Variants in VAV3 observed in about 807,000 individuals in gnomAD.
VAV3 encodes the protein vav guanine nucleotide exchange factor 3.
In VAV3, 94 loss-of-function variants were observed where a neutral mutation model predicts 131.2. The observed-to-expected ratio is 0.72, with a 90% CI of 0.61 to 0.85. The LOEUF (loss-of-function observed/expected upper bound fraction) is 0.85, where lower values mean the gene tolerates loss of function less well. Among genes scored for constraint, VAV3 ranks in the 40% least tolerant of loss-of-function variants. VAV3 has a pLI of 0.00. For missense variants in VAV3, 939 were observed against 1,002.7 expected (o/e 0.94, Z 0.86); for synonymous variants, 349 against 342.0 (o/e 1.02, Z -0.22).
At chr1:107,925,483 C>T (rs761643273) in intron 1 of VAV3, among the ~76,000 whole-genome samples, 3 of 152,162 alleles carry the variant, frequency 2.0e-5, no homozygotes, top group Non-Finnish European at 4.4e-5. Context: ...ATACAATGGA[C>T]TATTATTCAA....
chr1:107,753,541 T>TAA (rs1449924182), intron 12 of VAV3, among the ~76,000 whole-genome samples: 1 of 89,700 alleles, frequency 1.1e-5, no homozygotes, highest in Non-Finnish European at 2.4e-5. Flanking sequence ...TATATATATA[T>TAA]ATATATATAC....
At chr1:107,586,477 G>A (rs1650506391) in intron 25 of VAV3, among the ~76,000 whole-genome samples, 1 of 152,126 alleles carries the variant, frequency 6.6e-6, no homozygotes, top group South Asian at 2.1e-4. Flanking sequence ...CCTTTGAGGA[G>A]GAAGGAGAAA....
chr1:107,703,081 T>C (rs1660232989), intron 17 of VAV3, among the ~76,000 whole-genome samples: 1 of 152,148 alleles, frequency 6.6e-6, no homozygotes, highest in African/African-American at 2.4e-5. Flanking sequence ...TATGGGATCA[T>C]TTTACATTCT....
chr1:107,927,543 G>A (rs1296366733), intron 1 of VAV3, among the ~76,000 whole-genome samples: 2 of 151,964 alleles, frequency 1.3e-5, no homozygotes, highest in Non-Finnish European at 2.9e-5. Flanking sequence ...CAGCAACAGA[G>A]AGCCCACTGC....
chr1:107,953,965 A>C (rs1354768103), intron 1 of VAV3, among the ~76,000 whole-genome samples: 1 of 152,228 alleles, frequency 6.6e-6, no homozygotes, highest in African/African-American at 2.4e-5. Flanking sequence ...AGATTTTGAA[A>C]GCACATTCAG....
chr1:107,866,657 C>T (rs909715200), intron 2 of VAV3, among the ~76,000 whole-genome samples: 2 of 151,376 alleles, frequency 1.3e-5, no homozygotes, highest in African/African-American at 2.4e-5. Flanking sequence ...CCCATCTCTA[C>T]TAAAAAATAC....
chr1:107,826,801 GA>G (rs918271916), intron 2 of VAV3, among the ~76,000 whole-genome samples: 1 of 152,088 alleles, frequency 6.6e-6, no homozygotes, highest in African/African-American at 2.4e-5. Flanking sequence ...TATAGAATCT[GA>G]AACCAGTATT....
intron 17 of VAV3, among the ~76,000 whole-genome samples, chr1:107,690,545 CA>C (rs1423717854): frequency 6.6e-6 from 1 of 152,162 alleles, no homozygotes; most frequent in Non-Finnish European, 1.5e-5. Context: ...ACACTGGGAA[CA>C]AACTAGACTT....
chr1:107,650,862 C>T (rs1326171441), intron 19 of VAV3, among the ~76,000 whole-genome samples: 4 of 151,880 alleles, frequency 2.6e-5, no homozygotes, highest in Non-Finnish European at 5.9e-5. Flanking sequence ...TTTCCAATCA[C>T]AATAGCAAAG....
rs371455532 is a variant in VAV3 at position 107,925,874 on chromosome 1, T to G, written c.204+38792A>C. ...ATATATGTATATATAAACAGATATG[T>G]CACATATAAATATATAACATATATG... On this transcript the variant is annotated intron_variant, in intron 1 of 26. Transcript: ENST00000370056. Among the ~76,000 whole-genome samples, 62 of 140,396 alleles carry G rather than the reference T, an allele frequency of 4.4e-4. 1 individual carries two copies. The East Asian group carries it at 0.012, about 27-fold the overall frequency. 92.1% of individuals were successfully genotyped at this position (140,396 alleles called of 152,430 possible).
At chr1:107,833,246 T>C (rs774804536) in intron 2 of VAV3, among the ~76,000 whole-genome samples, 80 of 152,328 alleles carry the variant, frequency 5.3e-4, no homozygotes, top group South Asian at 4.1e-4. Context: ...GCTTTATTAC[T>C]GACACAGTGA....
chr1:107,701,546 C>T (rs1660132296), intron 17 of VAV3, among the ~76,000 whole-genome samples: 1 of 152,278 alleles, frequency 6.6e-6, no homozygotes, highest in East Asian at 1.9e-4. Flanking sequence ...ATTGTCTTGG[C>T]AATTAACATT....
At chr1:107,832,253 G>A (rs10494079) in intron 2 of VAV3, among the ~76,000 whole-genome samples, 1 of 152,272 alleles carries the variant, frequency 6.6e-6, no homozygotes, top group Admixed American at 6.5e-5. Context: ...GAAATTAGAA[G>A]ATGGTAATTA....
chr1:107,918,727 T>TG (rs1226158925), intron 1 of VAV3, among the ~76,000 whole-genome samples: 3 of 144,840 alleles, frequency 2.1e-5, no homozygotes, highest in African/African-American at 7.7e-5. Flanking sequence ...TTTTGAGAGA[T>TG]GGAGTTTTGC....
At chr1:107,931,759 G>A (rs1456461185) in intron 1 of VAV3, among the ~76,000 whole-genome samples, 1 of 152,182 alleles carries the variant, frequency 6.6e-6, no homozygotes. Flanking sequence ...GTCAGCTCAT[G>A]CTGAGAGTAA....
intron 2 of VAV3, among the ~76,000 whole-genome samples, chr1:107,788,765 T>A (rs1299694723): frequency 6.6e-6 from 1 of 152,198 alleles, no homozygotes; most frequent in African/African-American, 2.4e-5. Flanking sequence ...ACGCAAATGA[T>A]AAAGAATTGT....
intron 10 of VAV3, among the ~76,000 whole-genome samples, chr1:107,759,748 C>G (rs780765344): frequency 1.3e-5 from 2 of 151,872 alleles, no homozygotes; most frequent in Non-Finnish European, 2.9e-5. Flanking sequence ...TGTGTAAAAC[C>G]CTGTAAGGAC....
chr1:107,589,468 C>G (rs1302669025), intron 25 of VAV3, among the ~76,000 whole-genome samples: 2 of 152,180 alleles, frequency 1.3e-5, no homozygotes, highest in Admixed American at 6.5e-5. Context: ...GGGAGAGGGG[C>G]ATGGGAGGGA....
chr1:107,713,115 A>G (rs1660883769), intron 15 of VAV3, among the ~76,000 whole-genome samples: 1 of 152,212 alleles, frequency 6.6e-6, no homozygotes, highest in African/African-American at 2.4e-5. Flanking sequence ...CATGCCTATG[A>G]TGTGCCATGA....
Sources: gnomAD v4.1 joint callset for allele counts (sites outside exome capture counted in the v4.1 genomes callset) on GRCh38, gnomAD v4.1.1 for gene constraint, MANE v1.5 for transcripts, NCBI Gene and HGNC (gene_info 2026-07-23, HGNC 2026-07-21) for gene names.